The following PDZD8 variants were observed in gnomAD, a reference collection of about 807,000 sequenced individuals.
PDZD8 encodes PDZ domain-containing protein 8.
A neutral mutation model predicts 85.8 loss-of-function variants in PDZD8; 14 were observed. That is an observed-to-expected ratio of 0.16 (90% CI 0.11 to 0.26). The LOEUF is 0.26. Ranked by LOEUF, PDZD8 falls within the 10% of genes least tolerant of loss-of-function variation. The pLI is 1.00. For missense variants in PDZD8, 1,197 were observed against 1,424.3 expected (o/e 0.84, Z 2.57); for synonymous variants, 592 against 568.6 (o/e 1.04, Z -0.59).
intron 3 of PDZD8, among the ~76,000 whole-genome samples, chr10:117,318,461 C>CT (rs1371708542): frequency 6.6e-6 from 1 of 152,136 alleles, no homozygotes; most frequent in Non-Finnish European, 1.5e-5. Context: ...GAATAGGGGC[C>CT]TTTTTTGTCT....
chr10:117,302,865 T>C (rs1843870208), intron 3 of PDZD8, among the ~76,000 whole-genome samples: 1 of 152,230 alleles, frequency 6.6e-6, no homozygotes, highest in African/African-American at 2.4e-5. Context: ...ATGTAAGAAG[T>C]GCCTTTTGCC....
At chr10:117,333,123 A>AAAACAAAAC (rs1384776749) in intron 2 of PDZD8, among the ~76,000 whole-genome samples, 13 of 146,168 alleles carry the variant, frequency 8.9e-5, no homozygotes, top group South Asian at 4.2e-4. Context: ...GTCTCAAAAA[A>AAAACAAAAC]AAAAAAAAAA....
Position 117,299,513 on chromosome 10 carries a change from T to G in PDZD8, c.1099-9165A>C, listed in dbSNP as rs182324706. On this transcript the variant is annotated intron_variant, in intron 3 of 4. Transcript: ENST00000334464. ...TCTTAGAAGCTTTGTTTATTTTGTT[T>G]TATTCTTTTTTCTTTGTCTCTTTCT... Among the ~76,000 whole-genome samples the G allele has an allele frequency of 3.1e-3, 467 of 152,250 alleles. 4 individuals are homozygous for G. Among genetic ancestry groups the G allele is most frequent in the Non-Finnish European group, 5.3e-3 (361 of 68,020 alleles).
chr10:117,333,969 G>A (rs1304875882), intron 2 of PDZD8, among the ~76,000 whole-genome samples: 1 of 151,932 alleles, frequency 6.6e-6, no homozygotes, highest in African/African-American at 2.4e-5. Context: ...CCCCATAAAA[G>A]GACAAAAAGC....
At chr10:117,344,593 T>G (rs543569582) in intron 1 of PDZD8, among the ~76,000 whole-genome samples, 1 of 152,222 alleles carries the variant, frequency 6.6e-6, no homozygotes, top group East Asian at 1.9e-4. Flanking sequence ...TTCACCGTGT[T>G]AGCCAGGATG....
Position 117,280,458 on chromosome 10 carries a change from C to A in PDZD8, c.*2810G>T, listed in dbSNP as rs948449279. ...TAATTCCATAGAGATGCAGCAATCA[C>A]CTTTTTTAAAGATTTCATTAAATGA... On this transcript the variant is annotated 3_prime_UTR_variant, in exon 5 of 5. Coordinates refer to ENST00000334464, the MANE Select transcript of PDZD8 (RefSeq NM_173791.5). 8 of 152,106 alleles carry A rather than the reference C, an allele frequency of 5.3e-5. No homozygotes were observed. Among genetic ancestry groups the A allele is most frequent in the Non-Finnish European group, 1.2e-4 (8 of 68,014 alleles). The allele number at this position is 152,106 out of a possible 1,614,324, so 9.4% of individuals were successfully genotyped here. A position where few individuals can be genotyped will look rare whatever the true frequency, so the allele number is the denominator to read the frequency against.
rs79646707 is a variant in PDZD8, at chr10:117,364,791, A to C, written c.872+9565T>G. Among the ~76,000 whole-genome samples, 840 of 152,210 alleles carry C rather than the reference A, an allele frequency of 5.5e-3. 10 individuals are homozygous for C. Among genetic ancestry groups the C allele is most frequent in the African/African-American group, 0.02 (812 of 41,508 alleles). On this transcript the variant is annotated intron_variant, in intron 1 of 4. Transcript: ENST00000334464. ...TGAGAGTAGAGAAAAGCAGTAAATG[A>C]GATGGATTTATACATATTATCTGAA...
At chr10:117,298,463 A>G (rs905708987) in intron 3 of PDZD8, among the ~76,000 whole-genome samples, 3 of 152,050 alleles carry the variant, frequency 2.0e-5, no homozygotes, top group African/African-American at 7.2e-5. Flanking sequence ...ACTTCCTACT[A>G]TTACAGGCAA....
chr10:117,306,834 A>G (rs573018882), intron 3 of PDZD8, among the ~76,000 whole-genome samples: 9 of 152,248 alleles, frequency 5.9e-5, no homozygotes, highest in African/African-American at 2.2e-4. Flanking sequence ...ATTTTTCTGA[A>G]CTATTTGAAA....
intron 2 of PDZD8, among the ~76,000 whole-genome samples, chr10:117,332,144 T>TA (rs1176920300): frequency 6.6e-6 from 1 of 152,210 alleles, no homozygotes; most frequent in Non-Finnish European, 1.5e-5. Context: ...TACACAGCTT[T>TA]AAAGACTTTG....
intron 1 of PDZD8, among the ~76,000 whole-genome samples, chr10:117,367,283 C>T (rs964213700): frequency 4.6e-5 from 7 of 152,044 alleles, no homozygotes; most frequent in African/African-American, 7.2e-5. Flanking sequence ...TGGTGGCATA[C>T]GCCTACAATC....
At chr10:117,365,580 T>C (rs1238781498) in intron 1 of PDZD8, among the ~76,000 whole-genome samples, 6 of 152,166 alleles carry the variant, frequency 3.9e-5, no homozygotes, top group African/African-American at 1.2e-4. Context: ...ACCTAGAAAA[T>C]ATCTGATATA....
chr10:117,374,176 C>T lies in PDZD8; in HGVS notation c.872+180G>A, dbSNP rs1845245604. ...AAAAGGTTTCTAGCTCCTATCAATGCCGTTCGGAAGCAAAGCAAGTGTTCA... is the reference window on the plus strand; with the variant it reads ...AAAAGGTTTCTAGCTCCTATCAATGTCGTTCGGAAGCAAAGCAAGTGTTCA... On this transcript the variant is annotated intron_variant, in intron 1 of 4. Coordinates refer to ENST00000334464, the MANE Select transcript of PDZD8 (RefSeq NM_173791.5). This position sits in a 1 kb window ranked among gnomAD's most constrained non-coding sequence, Gnocchi z 7.8. Among the ~76,000 whole-genome samples, 1 of 152,210 alleles carries T rather than the reference C, an allele frequency of 6.6e-6. No homozygotes were observed.
At chr10:117,358,886 T>G (rs998674343) in intron 1 of PDZD8, among the ~76,000 whole-genome samples, 1 of 152,140 alleles carries the variant, frequency 6.6e-6, no homozygotes, top group African/African-American at 2.4e-5. Flanking sequence ...AACCTTCTAT[T>G]TATCTATATT....
At chr10:117,312,320 A>AAATAGGG (rs1844053050) in intron 3 of PDZD8, among the ~76,000 whole-genome samples, 1 of 152,126 alleles carries the variant, frequency 6.6e-6, no homozygotes, top group South Asian at 2.1e-4. Flanking sequence ...GCTGAGAAAT[A>AAATAGGG]AATAGGGACC....
At chr10:117,352,839 C>T (rs1192928556) in intron 1 of PDZD8, among the ~76,000 whole-genome samples, 1 of 152,076 alleles carries the variant, frequency 6.6e-6, no homozygotes, top group Non-Finnish European at 1.5e-5. Flanking sequence ...CAAATCACTT[C>T]ATTCAAAGCT....
In PDZD8 at chr10:117,283,308, C is replaced by A; in HGVS notation, c.3425G>T (p.Ser1142Ile). The change falls in exon 5 of 5, where the codon AGC (serine) becomes ATC (isoleucine). Residue 1142 changes from serine to isoleucine, a missense_variant. Physicochemically the swap from Ser to Ile is moderately radical, Grantham distance 142. Around this residue, in one of 4 missense-constraint regions of PDZD8, gnomAD observed 418 missense variants for 571.1 expected, o/e 0.73. Transcript: ENST00000334464. ...SQLIDSQPFS[S>I]ISDDLFGPSE... ...TGGGCCAAATAAGTCATCTGATATG[C>A]TGCTGAATGGCTGAGAGTCTATTAG... The A allele has an allele frequency of 6.2e-7, 1 of 1,613,548 alleles. No individual in the cohort carries two copies. Among genetic ancestry groups the A allele is most frequent in the Non-Finnish European group, 8.5e-7 (1 of 1,179,872 alleles).
In PDZD8 at chr10:117,356,745, A is replaced by C. The variant is rs182318040; in HGVS notation, c.873-15643T>G. Among the ~76,000 whole-genome samples the C allele has an allele frequency of 3.9e-5, 6 of 152,302 alleles. No homozygotes were observed. In the East Asian group the frequency reaches 1.2e-3, roughly 29 times the overall value. ...GGGAGAGGGAAGTAATCAATGAAAA[A>C]CAAATGAGAAAAAGAAAAATTAAAA... On this transcript the variant is annotated intron_variant, in intron 1 of 4. Coordinates refer to ENST00000334464, the MANE Select transcript of PDZD8 (RefSeq NM_173791.5).
intron 2 of PDZD8, among the ~76,000 whole-genome samples, chr10:117,334,041 T>C (rs929661374): frequency 6.6e-6 from 1 of 152,196 alleles, no homozygotes. Context: ...GCCAATACTT[T>C]AACAGTAGTG....
Sources: gnomAD v4.1 joint callset for allele counts (sites outside exome capture counted in the v4.1 genomes callset) on GRCh38, gnomAD v4.1.1 for gene constraint, gnomAD v4.1.1 regional missense constraint, Gnocchi (gnomAD v3.1) non-coding constraint, MANE v1.5 for transcripts, NCBI Gene and HGNC (gene_info 2026-07-23, HGNC 2026-07-21) for gene names.